RBM33: variants seen among roughly 807,000 people sequenced by gnomAD.
RBM33 encodes RNA-binding protein 33.
RBM33 carries 28 observed loss-of-function variants against 132.6 expected under a neutral mutation model. That is an observed-to-expected ratio of 0.21 (90% confidence interval 0.16 to 0.29). The LOEUF is 0.29. RBM33 is among the 10% of genes least tolerant of loss of function. The probability of loss-of-function intolerance (pLI) is 1.00; values close to 1 mark genes in which losing one functional copy is unlikely to be tolerated. For missense variants in RBM33, 1,291 were observed against 1,518.5 expected (o/e 0.85, Z 2.49); for synonymous variants, 634 against 593.0 (o/e 1.07, Z -1.01).
At position 155,745,179 on chromosome 7, in the gene RBM33, C is replaced by A; in HGVS notation, c.2556C>A (p.Pro852=). ...AAGAGCAGGCACTGTCACCATCACC[C>A]ACCAACGGTAACCCACTGTTGCCCT... The part of the protein sequence containing the change: ...EQEEQALSPS[P]TNGNPLLPFP... Residue 852 remains proline, a synonymous_variant, in exon 14 of 18, where the codon CCC becomes CCA. Transcript: ENST00000401878. This position sits in a 1 kb window ranked among gnomAD's most constrained non-coding sequence, Gnocchi z 4.1. 6.2e-7 allele frequency: 1 copy of A among 1,610,620 alleles called. No homozygotes were observed. Among genetic ancestry groups the A allele is most frequent in the Non-Finnish European group, 8.5e-7 (1 of 1,178,386 alleles).
intron 1 of RBM33, among the ~76,000 whole-genome samples, chr7:155,661,097 GGTGTGTGT>G (rs59345780): frequency 0.016 from 1,791 of 110,124 alleles, 58 homozygotes; most frequent in African/African-American, 0.062. Context: ...GTGTGTGTGT[GGTGTGTGT>G]GTGTGTGTGT....
At chr7:155,679,488 A>G (rs1256156487) in intron 4 of RBM33, among the ~76,000 whole-genome samples, 4 of 99,376 alleles carry the variant, frequency 4.0e-5, no homozygotes, top group Non-Finnish European at 9.2e-5. Context: ...AGTAAGCTAT[A>G]TTAAAAGAGG....
At chr7:155,707,262 A>G (rs1278018439) in intron 7 of RBM33, 194 bp downstream of exon 7, 3 of 686,870 alleles carry the variant, frequency 4.4e-6, no homozygotes, top group Admixed American at 4.1e-5. Context: ...CACTCCAGTC[A>G]TCTGGTAGTA....
At position 155,737,939 on chromosome 7, in the gene RBM33, A is replaced by G. The variant is rs142159924; in HGVS notation, c.1394-121A>G. ...GAGGCAAAATCTGGAATTGTTTCCA[A>G]CATTCATAACCTGTCAACACTTGTG... On this transcript the variant is annotated intron_variant, in intron 10 of 17. Transcript: ENST00000401878. The G allele has an allele frequency of 3.0e-3, 2,792 of 942,844 alleles. 13 individuals are homozygous for G. Among genetic ancestry groups the G allele is most frequent in the Non-Finnish European group, 3.6e-3 (2,223 of 623,902 alleles). 58.4% of individuals were successfully genotyped at this position (942,844 alleles called of 1,614,324 possible).
rs574045181 is a variant in RBM33 at position 155,657,125 on chromosome 7, A to G, written c.44-8050A>G. ...CATTCTCTGATTTTGGAATGATTTC[A>G]ACAGCCACTTTCCTTAGTATTTTAT... On this transcript the variant is annotated intron_variant, in intron 1 of 17. Coordinates refer to ENST00000401878, the MANE Select transcript of RBM33 (RefSeq NM_053043.3). Among the ~76,000 whole-genome samples, 843 of 152,288 alleles carry G rather than the reference A, an allele frequency of 5.5e-3. 5 individuals are homozygous for G. The highest frequency in any genetic ancestry group is 0.018 in the South Asian group (85 of 4,824).
Position 155,745,392 on chromosome 7 carries a change from G to A in RBM33, c.2769G>A (p.Gln923=). The part of the protein sequence containing the change: ...LRQTRTVPQS[Q]TQPLHKVLPI... Reference sequence around the variant, plus strand: ...AGACCAGAACAGTTCCTCAAAGTCAGACTCAGCCGCTGCATAAAGTGCTCC... The same window carrying A: ...AGACCAGAACAGTTCCTCAAAGTCAAACTCAGCCGCTGCATAAAGTGCTCC... The change falls in exon 14 of 18, where the codon CAG becomes CAA. Residue 923 remains glutamine (Q), a synonymous_variant. Coordinates refer to ENST00000401878, the MANE Select transcript of RBM33 (RefSeq NM_053043.3). The surrounding 1 kb of genome is among the most constrained non-coding windows in gnomAD (Gnocchi z 4.1). 6.2e-7 allele frequency: 1 copy of A among 1,613,546 alleles called. No homozygotes were observed. Among genetic ancestry groups the A allele is most frequent in the Non-Finnish European group, 8.5e-7 (1 of 1,179,718 alleles).
chr7:155,741,284 A>G (rs117111849), intron 12 of RBM33, among the ~76,000 whole-genome samples: 494 of 151,004 alleles, frequency 3.3e-3, no homozygotes, highest in Non-Finnish European at 6.0e-3. Context: ...TTCTCTCTTA[A>G]GAATCCCCAG....
chr7:155,650,420 T>C (rs1349119684), intron 1 of RBM33, among the ~76,000 whole-genome samples: 4 of 152,232 alleles, frequency 2.6e-5, no homozygotes, highest in African/African-American at 9.6e-5. Context: ...TATTGATAGA[T>C]TTCCAGTGCT....
At chr7:155,715,222 A>G (rs995811806) in intron 8 of RBM33, among the ~76,000 whole-genome samples, 1 of 152,182 alleles carries the variant, frequency 6.6e-6, no homozygotes, top group African/African-American at 2.4e-5. Context: ...CTTTCTTTCA[A>G]GTAATCCTTT....
In RBM33 at chr7:155,779,675, A is replaced by G. The variant is rs1802746667; in HGVS notation, c.*4634A>G. The G allele has an allele frequency of 6.6e-6, 1 of 152,206 alleles. No homozygotes were observed. Among genetic ancestry groups the G allele is most frequent in the Non-Finnish European group, 1.5e-5 (1 of 68,038 alleles). The allele number at this position is 152,206 out of a possible 1,614,324, so 9.4% of individuals were successfully genotyped here. A position where few individuals can be genotyped will look rare whatever the true frequency, so the allele number is the denominator to read the frequency against. On this transcript the variant is annotated 3_prime_UTR_variant, in exon 18 of 18. Coordinates refer to ENST00000401878, the MANE Select transcript of RBM33 (RefSeq NM_053043.3). Reference sequence around the variant, plus strand: ...ACTGATTCATATTGGATCCCCAGGTATACCTTCTGCTGGTAGCATATGGCT... The same window carrying G: ...ACTGATTCATATTGGATCCCCAGGTGTACCTTCTGCTGGTAGCATATGGCT...
rs1800744590 is a variant in RBM33, at chr7:155,724,993, TGTGTG to T, written c.1260+6551_1260+6555del. ...CTGTAAACATTTGTGTACAGGTTTG[TGTGTG>T]TGTGTGTGTGTGTGTGTGTGTGTGT... On this transcript the variant is annotated intron_variant, in intron 9 of 17. Coordinates refer to ENST00000401878, the MANE Select transcript of RBM33 (RefSeq NM_053043.3). 2.0e-3 allele frequency among the ~76,000 whole-genome samples: 187 copies of T among 94,936 alleles called. 2 individuals are homozygous for T. Among genetic ancestry groups the T allele is most frequent in the Middle Eastern group, 0.015 (3 of 194 alleles). The allele number at this position is 94,936 out of a possible 152,430, so 62.3% of individuals were successfully genotyped here. A position where few individuals can be genotyped will look rare whatever the true frequency, so the allele number is the denominator to read the frequency against.
intron 6 of RBM33, among the ~76,000 whole-genome samples, chr7:155,706,112 T>G: frequency 6.6e-6 from 1 of 152,226 alleles, no homozygotes; most frequent in East Asian, 1.9e-4. Context: ...CGTATGCTAT[T>G]AATAGCTCTA....
Position 155,654,916 on chromosome 7 carries a change from A to G in RBM33, c.43+9997A>G, listed in dbSNP as rs868666724. Among the ~76,000 whole-genome samples the G allele has an allele frequency of 4.6e-5, 7 of 152,178 alleles. 1 individual carries two copies. The highest frequency in any genetic ancestry group is 6.3e-3 in the Middle Eastern group (2 of 316). On this transcript the variant is annotated intron_variant, in intron 1 of 17. Coordinates refer to ENST00000401878, the MANE Select transcript of RBM33 (RefSeq NM_053043.3). ...ACATTGGTGGTGATGTTCTTCTCCTAGTTTTACAATTGTTTTTATCAGAGA... is the reference window on the plus strand; with the variant it reads ...ACATTGGTGGTGATGTTCTTCTCCTGGTTTTACAATTGTTTTTATCAGAGA...
At chr7:155,733,370 C>G (rs578096649) in intron 9 of RBM33, among the ~76,000 whole-genome samples, 4 of 99,716 alleles carry the variant, frequency 4.0e-5, no homozygotes, top group African/African-American at 1.8e-4. Context: ...TGAACCCTTG[C>G]AGAAGCTTTA....
intron 5 of RBM33, among the ~76,000 whole-genome samples, chr7:155,699,712 G>T (rs1185449908): frequency 6.6e-6 from 1 of 152,180 alleles, no homozygotes; most frequent in East Asian, 1.9e-4. Flanking sequence ...AGGATTTATA[G>T]TAGAGTGTGC....
chr7:155,707,343 T>A (rs1245793628), intron 7 of RBM33: 4 of 574,638 alleles, frequency 7.0e-6, no homozygotes, highest in South Asian at 6.1e-5. Context: ...TAAGATGACA[T>A]AAGCTGTTGG....
intron 2 of RBM33, among the ~76,000 whole-genome samples, chr7:155,669,954 G>A (rs1413989073): frequency 9.9e-5 from 15 of 152,146 alleles, no homozygotes; most frequent in Admixed American, 3.3e-4. Flanking sequence ...CCTGGAGGAC[G>A]CAATCCAGCC....
At position 155,744,965 on chromosome 7, in the gene RBM33, C is replaced by A; in HGVS notation, c.2342C>A (p.Pro781His). ...CGTGTATGTTTTCCATTTTAGTTTC[C>A]TGATGAAGATGAGGAAACAAGGTTA... Reference protein sequence around the residue: ...KEEAKTETEFPDEDEETRLYR... With the variant: ...KEEAKTETEFHDEDEETRLYR... The change falls in exon 14 of 18, where the codon CCT becomes CAT. Residue 781 changes from proline to histidine, a missense_variant. By Grantham distance (77) the Pro-to-His change is moderately conservative (BLOSUM62 -2). Transcript: ENST00000401878. 6.4e-7 allele frequency: 1 copy of A among 1,555,378 alleles called. No homozygotes were observed. The highest frequency in any genetic ancestry group is 8.7e-7 in the Non-Finnish European group (1 of 1,155,354).
chr7:155,696,911 AGTTT>A (rs1799808732), intron 5 of RBM33, among the ~76,000 whole-genome samples: 1 of 151,902 alleles, frequency 6.6e-6, no homozygotes, highest in Non-Finnish European at 1.5e-5. Context: ...TCCCAATCTC[AGTTT>A]GTTTGACGCT....
Sources: allele counts gnomAD v4.1 joint callset (sites outside exome capture counted in the v4.1 genomes callset), GRCh38; gene constraint gnomAD v4.1.1; non-coding constraint Gnocchi (gnomAD v3.1); transcripts MANE v1.5; gene names NCBI Gene and HGNC (gene_info 2026-07-23, HGNC 2026-07-21).